Variants in SCN10A observed in about 807,000 individuals in gnomAD.
SCN10A encodes the protein sodium voltage-gated channel alpha subunit 10.
A neutral mutation model predicts 170.7 loss-of-function variants in SCN10A; 162 were observed. The ratio of observed to expected loss-of-function variants is 0.95; its 90% confidence interval spans 0.84 to 1.08. The LOEUF is 1.08. SCN10A is among the 50% of genes least tolerant of loss of function. The pLI is 0.00. For missense variants in SCN10A, 2,527 were observed against 2,436.9 expected, an observed-to-expected ratio of 1.04 and a Z score of -0.78; for synonymous variants, 985 against 904.6, an observed-to-expected ratio of 1.09 and a Z score of -1.59.
At chr3:38,699,377 T>C (rs182369811) in intron 27 of SCN10A, among the ~76,000 whole-genome samples, 2 of 152,092 alleles carry the variant, frequency 1.3e-5, no homozygotes, top group Non-Finnish European at 2.9e-5. Flanking sequence ...TGATTTTTGG[T>C]CTTGGGGACC....
chr3:38,755,606 CT>C (rs1413440587), intron 11 of SCN10A, among the ~76,000 whole-genome samples, 181 bp downstream of exon 11: 1 of 152,152 alleles, frequency 6.6e-6, no homozygotes, highest in Non-Finnish European at 1.5e-5. Context: ...TAATTCACCC[CT>C]TTTCCCCATC....
chr3:38,728,710 A>T lies in SCN10A; in HGVS notation c.2472T>A (p.His824Gln), dbSNP rs561655654. Reference protein sequence around the residue: ...RNNRKNISAPHEDWPRWHMHD... With the variant: ...RNNRKNISAPQEDWPRWHMHD... ...GCATGTGCCAGCGGGGCCAGTCTTC[A>T]TGGGGCGCGGAGATATTTTTTCGGT... The change falls in exon 16 of 28, where the codon CAT becomes CAA. Residue 824 changes from histidine to glutamine, a missense_variant. By Grantham distance (24) the His-to-Gln change is conservative. Coordinates refer to ENST00000449082, the MANE Select transcript of SCN10A (RefSeq NM_006514.4). 3.7e-6 allele frequency: 6 copies of T among 1,614,028 alleles called. No individual in the cohort carries two copies. Among genetic ancestry groups the T allele is most frequent in the Non-Finnish European group, 5.1e-6 (6 of 1,180,022 alleles).
chr3:38,701,252 C>G (rs2063153147), intron 27 of SCN10A, among the ~76,000 whole-genome samples: 1 of 152,194 alleles, frequency 6.6e-6, no homozygotes, highest in Non-Finnish European at 1.5e-5. Context: ...TCAACAACAC[C>G]CAGACTGGGC....
At chr3:38,735,475 TGTA>T (rs2063551614) in intron 15 of SCN10A, among the ~76,000 whole-genome samples, 1 of 152,244 alleles carries the variant, frequency 6.6e-6, no homozygotes, top group Non-Finnish European at 1.5e-5. Context: ...GACTGAATTA[TGTA>T]AAGATTATAA....
At chr3:38,763,418 C>T (rs2063897568) in intron 6 of SCN10A, 87 bp downstream of exon 6, 3 of 1,048,000 alleles carry the variant, frequency 2.9e-6, no homozygotes, top group Non-Finnish European at 4.5e-6. Flanking sequence ...ATAGTCTTTG[C>T]CCTGGAACCT....
In SCN10A at chr3:38,701,999, G is replaced by A; in HGVS notation, c.4497C>T (p.Asp1499=). ...NMITMMVETD[D]QSEEKTKILG... is the part of the protein sequence containing the mutation. ...GAATTTTCGTCTTTTCTTCACTTTG[G>A]TCATCAGTCTCCACCATCATGGTGA... Residue 1499 remains aspartate, a synonymous_variant, in exon 27 of 28, where the codon GAC becomes GAT. Transcript: ENST00000449082. 1 of 1,614,118 alleles carries A rather than the reference G, an allele frequency of 6.2e-7. No individual in the cohort carries two copies. The highest frequency in any genetic ancestry group is 8.5e-7 in the Non-Finnish European group (1 of 1,179,986).
intron 13 of SCN10A, among the ~76,000 whole-genome samples, chr3:38,745,340 C>A (rs1411491136): frequency 6.6e-6 from 1 of 152,136 alleles, no homozygotes; most frequent in African/African-American, 2.4e-5. Context: ...CTGTTAACAC[C>A]AGTGTCTCCA....
intron 1 of SCN10A, among the ~76,000 whole-genome samples, chr3:38,794,452 T>C (rs551523372): frequency 1.1e-4 from 17 of 152,312 alleles, no homozygotes; most frequent in Middle Eastern, 3.4e-3. Flanking sequence ...TACTTTCTTA[T>C]CACAATCTTT....
At chr3:38,709,371 G>A in intron 25 of SCN10A, 107 bp downstream of exon 25, 5 of 1,130,426 alleles carry the variant, frequency 4.4e-6, no homozygotes, top group Non-Finnish European at 6.3e-6. Context: ...AAAGTGATGG[G>A]CTGTGAGTAG....
chr3:38,738,201 G>A (rs139911346), intron 15 of SCN10A, among the ~76,000 whole-genome samples: 4,141 of 152,122 alleles, frequency 0.027, 184 homozygotes, highest in African/African-American at 0.094. Context: ...CAAAGTACTA[G>A]GATTACAGGT....
intron 18 of SCN10A, among the ~76,000 whole-genome samples, chr3:38,724,867 A>G (rs2063435506): frequency 6.6e-6 from 1 of 152,200 alleles, no homozygotes; most frequent in African/African-American, 2.4e-5. Flanking sequence ...TAGATGAATA[A>G]ATGGCGGCTC....
chr3:38,757,461 C>G (rs984014469), intron 8 of SCN10A, among the ~76,000 whole-genome samples: 1 of 152,206 alleles, frequency 6.6e-6, no homozygotes, highest in African/African-American at 2.4e-5. Context: ...AAATGAGAGT[C>G]AGTAGCAATA....
intron 24 of SCN10A, among the ~76,000 whole-genome samples, 183 bp downstream of exon 24, chr3:38,710,661 C>G (rs991733977): frequency 9.3e-5 from 14 of 150,062 alleles, no homozygotes; most frequent in African/African-American, 3.2e-4. Flanking sequence ...AGGGGGAAAG[C>G]CTCGGTGGCT....
chr3:38,782,992 G>T (rs1001540023), intron 4 of SCN10A, among the ~76,000 whole-genome samples: 2 of 152,028 alleles, frequency 1.3e-5, no homozygotes, highest in African/African-American at 4.8e-5. Flanking sequence ...AGCATAGTTG[G>T]GTCTGGGAAA....
intron 1 of SCN10A, among the ~76,000 whole-genome samples, chr3:38,804,994 G>A (rs1474917379): frequency 1.3e-5 from 2 of 152,172 alleles, no homozygotes; most frequent in South Asian, 2.1e-4. Context: ...TAGACTCAGA[G>A]GGAGTGTGAA....
At chr3:38,716,542 T>G (rs1386720364) in intron 21 of SCN10A, among the ~76,000 whole-genome samples, 1 of 152,226 alleles carries the variant, frequency 6.6e-6, no homozygotes, top group Non-Finnish European at 1.5e-5. Flanking sequence ...ATTAAACCTC[T>G]TTCTTTTATA....
intron 1 of SCN10A, among the ~76,000 whole-genome samples, chr3:38,797,744 C>A (rs1029227056): frequency 6.6e-6 from 1 of 152,182 alleles, no homozygotes. Flanking sequence ...TGCAAGAATT[C>A]TCTCAGTGAC....
At chr3:38,779,514 C>A (rs2126048172) in intron 4 of SCN10A, among the ~76,000 whole-genome samples, 1 of 152,054 alleles carries the variant, frequency 6.6e-6, no homozygotes, top group Non-Finnish European at 1.5e-5. Context: ...TACTGTTTTT[C>A]TATTTTGTAA....
intron 6 of SCN10A, 105 bp downstream of exon 6, chr3:38,763,400 T>C: frequency 2.3e-6 from 2 of 867,068 alleles, no homozygotes; most frequent in South Asian, 3.0e-5. Context: ...GTCTTGTAAG[T>C]GGGGACAATA....
Sources: gnomAD v4.1 joint callset for allele counts (sites outside exome capture counted in the v4.1 genomes callset) on GRCh38, gnomAD v4.1.1 for gene constraint, MANE v1.5 for transcripts, NCBI Gene and HGNC (gene_info 2026-07-23, HGNC 2026-07-21) for gene names.